The following WWC2 variants were observed in gnomAD, a reference collection of about 807,000 sequenced individuals.
WWC2 encodes the protein WW and C2 domain containing 2.
In WWC2, 101 loss-of-function variants were observed where a neutral mutation model predicts 138.5. The observed-to-expected ratio is 0.73, with a 90% CI of 0.62 to 0.86. WWC2 has a LOEUF of 0.86. Among genes scored for constraint, WWC2 ranks in the 40% least tolerant of loss-of-function variants. The pLI is 0.00. For missense variants in WWC2, 1,420 were observed against 1,419.4 expected (o/e 1.00, Z -0.01); for synonymous variants, 558 against 538.4 (o/e 1.04, Z -0.50).
chr4:183,320,044 C>G lies in WWC2; in HGVS notation c.*4315C>G. On this transcript the variant is annotated 3_prime_UTR_variant, in exon 23 of 23. Coordinates refer to ENST00000403733, the MANE Select transcript of WWC2 (RefSeq NM_024949.6). The stretch of plus-strand genomic sequence containing the variant: ...AAGTCCTTGCATTGCATCCCCACTT[C>G]CTCTTGGATGACACAGGTTTGCCAG... 6.2e-7 allele frequency: 1 copy of G among 1,614,094 alleles called. No homozygotes were observed. The highest frequency in any genetic ancestry group is 1.1e-5 in the South Asian group (1 of 91,066).
At chr4:183,265,812 A>G in intron 13 of WWC2, 44 bp downstream of exon 13, 1 of 1,608,832 alleles carries the variant, frequency 6.2e-7, no homozygotes. Flanking sequence ...ACATCTGTGC[A>G]GGGCAAGTGG....
chr4:183,187,547 C>T (rs1410557181), intron 1 of WWC2, among the ~76,000 whole-genome samples: 6 of 35,592 alleles, frequency 1.7e-4, no homozygotes, highest in Admixed American at 2.8e-4. Flanking sequence ...AACGAGACTC[C>T]GTCTCAAAAT....
intron 1 of WWC2, among the ~76,000 whole-genome samples, chr4:183,158,387 G>A (rs112979573): frequency 4.3e-3 from 1 of 230 alleles, no homozygotes; most frequent in Admixed American, 0.12. Context: ...GTCTGAGACC[G>A]GGTGTAGGCA....
intron 1 of WWC2, among the ~76,000 whole-genome samples, chr4:183,127,262 C>T (rs960946154): frequency 2.6e-5 from 4 of 151,884 alleles, no homozygotes; most frequent in Non-Finnish European, 4.4e-5. Flanking sequence ...GAAGGCCTTT[C>T]GAGGCATTAT....
intron 1 of WWC2, among the ~76,000 whole-genome samples, chr4:183,171,098 T>G (rs1223114029): frequency 6.6e-6 from 1 of 152,210 alleles, no homozygotes; most frequent in African/African-American, 2.4e-5. Context: ...ATTTCTTCTT[T>G]GTACTGTTTA....
At chr4:183,203,066 T>G (rs1735345388) in intron 2 of WWC2, among the ~76,000 whole-genome samples, 1 of 152,162 alleles carries the variant, frequency 6.6e-6, no homozygotes, top group South Asian at 2.1e-4. Flanking sequence ...TTGAACCCAG[T>G]TAGACTGAAT....
chr4:183,264,581 A>G (rs1036445206), intron 11 of WWC2, among the ~76,000 whole-genome samples: 7 of 152,238 alleles, frequency 4.6e-5, no homozygotes, highest in Non-Finnish European at 8.8e-5. Context: ...AAACTTATCC[A>G]TTGAGTAGCT....
At chr4:183,240,414 C>G in intron 5 of WWC2, 152 bp downstream of exon 5, 1 of 526,898 alleles carries the variant, frequency 1.9e-6, no homozygotes, top group Non-Finnish European at 3.2e-6. Context: ...ATAAAGCAAT[C>G]AACCAACAGA....
intron 21 of WWC2, among the ~76,000 whole-genome samples, chr4:183,299,947 C>A (rs981341145): frequency 2.0e-5 from 3 of 152,192 alleles, no homozygotes; most frequent in Admixed American, 6.5e-5. Context: ...CTCAGGGTCA[C>A]ACTCCTTAAC....
At chr4:183,136,566 G>C (rs1733121517) in intron 1 of WWC2, among the ~76,000 whole-genome samples, 1 of 152,100 alleles carries the variant, frequency 6.6e-6, no homozygotes, top group East Asian at 1.9e-4. Flanking sequence ...TAACGATGGG[G>C]ATACGTTCCG....
chr4:183,109,553 C>T (rs575474248), intron 1 of WWC2, among the ~76,000 whole-genome samples: 9 of 152,254 alleles, frequency 5.9e-5, no homozygotes, highest in African/African-American at 1.7e-4. Context: ...CTCATAGGAG[C>T]GCACAGCCTG....
At chr4:183,280,473 C>T (rs1738033656) in intron 16 of WWC2, among the ~76,000 whole-genome samples, 1 of 152,014 alleles carries the variant, frequency 6.6e-6, no homozygotes, top group African/African-American at 2.4e-5. Flanking sequence ...GCCCATGTAC[C>T]TCACCACTAG....
chr4:183,176,574 C>T (rs541581505), intron 1 of WWC2, among the ~76,000 whole-genome samples: 4 of 151,982 alleles, frequency 2.6e-5, no homozygotes, highest in Non-Finnish European at 5.9e-5. Context: ...AGGCACCTGC[C>T]ACCACGCCCA....
chr4:183,230,994 G>A (rs1047828447), intron 4 of WWC2, among the ~76,000 whole-genome samples: 1 of 152,120 alleles, frequency 6.6e-6, no homozygotes, highest in African/African-American at 2.4e-5. Context: ...TGAAATTCCA[G>A]AGAAACCCTC....
At chr4:183,305,416 C>T (rs1399871964) in intron 21 of WWC2, among the ~76,000 whole-genome samples, 1 of 151,938 alleles carries the variant, frequency 6.6e-6, no homozygotes, top group African/African-American at 2.4e-5. Context: ...TCATAAAACA[C>T]CAAGCAAAAT....
At chr4:183,137,719 G>A (rs577642057) in intron 1 of WWC2, among the ~76,000 whole-genome samples, 57 of 152,170 alleles carry the variant, frequency 3.7e-4, no homozygotes, top group Non-Finnish European at 6.0e-4. Context: ...GGCTTGTCTC[G>A]AACTCCTGGA....
chr4:183,208,167 T>C lies in WWC2; in HGVS notation c.445+11T>C. On this transcript the variant is annotated intron_variant, in intron 3 of 22. Transcript: ENST00000403733. ...GTTCTCACACAAGCTGTAAGTACAG[T>C]GTGGCTATTCAGACTTTGGAAGTGG... 3 of 1,612,990 alleles carry C rather than the reference T, an allele frequency of 1.9e-6. No homozygotes were observed. Among genetic ancestry groups the C allele is most frequent in the South Asian group, 2.2e-5 (2 of 90,842 alleles).
chr4:183,307,882 G>A (rs755387170), intron 21 of WWC2, among the ~76,000 whole-genome samples: 1 of 152,128 alleles, frequency 6.6e-6, no homozygotes, highest in Non-Finnish European at 1.5e-5. Flanking sequence ...AAGAAAAAAA[G>A]GTATCCCGCT....
In WWC2 at chr4:183,301,845, T is replaced by C. The variant is rs192589767; in HGVS notation, c.3385-10496T>C. Among the ~76,000 whole-genome samples, 221 of 152,360 alleles carry C rather than the reference T, an allele frequency of 1.5e-3. 1 individual carries two copies. Among genetic ancestry groups the C allele is most frequent in the Non-Finnish European group, 2.4e-3 (164 of 68,028 alleles). ...CCAGAGGTTACCACTGTTGACAAAT[T>C]GGTGTATGTCCTTCCAGCTATTTTT... On this transcript the variant is annotated intron_variant, in intron 21 of 22. Transcript: ENST00000403733.
Sources: gnomAD v4.1 joint callset for allele counts (sites outside exome capture counted in the v4.1 genomes callset) on GRCh38, gnomAD v4.1.1 for gene constraint, MANE v1.5 for transcripts, NCBI Gene and HGNC (gene_info 2026-07-23, HGNC 2026-07-21) for gene names.